Variants in CYP2U1 observed in about 807,000 individuals in gnomAD.
The protein encoded by CYP2U1 is cytochrome P450 family 2 subfamily U member 1.
A neutral mutation model predicts 42.8 loss-of-function variants in CYP2U1; 28 were observed. The ratio of observed to expected loss-of-function variants is 0.65; its 90% confidence interval spans 0.48 to 0.90. CYP2U1 has a LOEUF of 0.90. Ranked by LOEUF, CYP2U1 falls within the 40% of genes least tolerant of loss-of-function variation. The pLI is 0.00. For synonymous variants in CYP2U1, 296 were observed against 278.9 expected, an observed-to-expected ratio of 1.06 and a Z score of -0.61; for missense variants, 642 against 693.8, an observed-to-expected ratio of 0.93 and a Z score of 0.84.
chr4:107,946,004 G>A (rs952725805), intron 2 of CYP2U1, among the ~76,000 whole-genome samples: 1 of 152,154 alleles, frequency 6.6e-6, no homozygotes, highest in Non-Finnish European at 1.5e-5. Context: ...CTACCACCTA[G>A]TCCCAATAGA....
At position 107,947,658 on chromosome 4, in the gene CYP2U1, T is replaced by C. The variant is rs528851695; in HGVS notation, c.1288+121T>C. 11 of 948,614 alleles carry C rather than the reference T, an allele frequency of 1.2e-5. No homozygotes were observed. In the African/African-American group the frequency reaches 1.6e-4, roughly 14 times the overall value. The allele number at this position is 948,614 out of a possible 1,614,324, so 58.8% of individuals were successfully genotyped here. On this transcript the variant is annotated intron_variant, in intron 3 of 4. Coordinates refer to ENST00000332884, the MANE Select transcript of CYP2U1 (RefSeq NM_183075.3). Reference sequence around the variant, plus strand: ...GCTTGATCCTTCTGAAGATTTAGCATTGTGTCATATGTAATAAAATGTCTA... The same window carrying C: ...GCTTGATCCTTCTGAAGATTTAGCACTGTGTCATATGTAATAAAATGTCTA...
intron 1 of CYP2U1, among the ~76,000 whole-genome samples, chr4:107,943,499 A>G (rs951029032): frequency 6.6e-6 from 1 of 152,226 alleles, no homozygotes; most frequent in Non-Finnish European, 1.5e-5. Flanking sequence ...AAGAAATATA[A>G]TTCAGGAAAT....
At position 107,940,724 on chromosome 4, in the gene CYP2U1, C is replaced by T. The variant is rs977186545; in HGVS notation, c.491-4246C>T. 14 of 151,928 alleles carry T rather than the reference C, an allele frequency of 9.2e-5. 1 individual carries two copies. Among genetic ancestry groups the T allele is most frequent in the Non-Finnish European group, 1.9e-4 (13 of 68,030 alleles). 9.4% of individuals were successfully genotyped at this position (151,928 alleles called of 1,614,324 possible). A position where few individuals can be genotyped will look rare whatever the true frequency, so the allele number is the denominator to read the frequency against. On this transcript the variant is annotated intron_variant, in intron 1 of 4. Coordinates refer to ENST00000332884, the MANE Select transcript of CYP2U1 (RefSeq NM_183075.3). ...GTAGTTTGCCAACCACTCAACTAGA[C>T]TTTAAGTAAGCGTGTTAAAAATGTA...
At chr4:107,943,979 T>C (rs779040711) in intron 1 of CYP2U1, among the ~76,000 whole-genome samples, 8 of 152,228 alleles carry the variant, frequency 5.3e-5, no homozygotes, top group Non-Finnish European at 1.0e-4. Flanking sequence ...GATGTAGTTG[T>C]GGATGACCTT....
rs536313224 is a variant in CYP2U1, at chr4:107,944,852, T to TATATATACATATATATA, written c.491-118_491-117insATATATACATATATATA. 263 of 100,848 alleles carry TATATATACATATATATA rather than the reference T, an allele frequency of 2.6e-3. 9 individuals carry two copies. Among genetic ancestry groups the TATATATACATATATATA allele is most frequent in the African/African-American group, 3.8e-3 (60 of 15,588 alleles). 6.2% of individuals were successfully genotyped at this position (100,848 alleles called of 1,614,324 possible). A position where few individuals can be genotyped will look rare whatever the true frequency, so the allele number is the denominator to read the frequency against. On this transcript the variant is annotated intron_variant, in intron 1 of 4. Coordinates refer to ENST00000332884, the MANE Select transcript of CYP2U1 (RefSeq NM_183075.3). ...TCTTTATATATACATATATATATAT[T>TATATATACATATATATA]TATATGAGGAATTTTCCATAAGTGA...
At chr4:107,947,625 G>A (rs908944948) in intron 3 of CYP2U1, 88 bp downstream of exon 3, 13 of 1,325,456 alleles carry the variant, frequency 9.8e-6, no homozygotes, top group East Asian at 2.3e-5. Flanking sequence ...TGTGGTGACT[G>A]TTGTCTAGCT....
At chr4:107,947,747 T>C (rs1733751588) in intron 3 of CYP2U1, among the ~76,000 whole-genome samples, 1 of 152,226 alleles carries the variant, frequency 6.6e-6, no homozygotes, top group Non-Finnish European at 1.5e-5. Context: ...TGCTTAGTTT[T>C]ACTAGTAGTT....
intron 2 of CYP2U1, 135 bp downstream of exon 2, chr4:107,945,740 G>A: frequency 8.5e-7 from 1 of 1,179,768 alleles, no homozygotes; most frequent in Non-Finnish European, 1.2e-6. Context: ...CAACTCATAG[G>A]GAGTTGGTAA....
At chr4:107,942,360 A>G (rs546628205) in intron 1 of CYP2U1, among the ~76,000 whole-genome samples, 2 of 152,306 alleles carry the variant, frequency 1.3e-5, no homozygotes, top group African/African-American at 2.4e-5. Context: ...TAAAAAAAAT[A>G]AAATAAAGGA....
intron 3 of CYP2U1, among the ~76,000 whole-genome samples, chr4:107,948,607 C>T (rs1733797868): frequency 6.6e-6 from 1 of 152,026 alleles, no homozygotes; most frequent in Non-Finnish European, 1.5e-5. Context: ...TCATCATCAT[C>T]ATCATAGTTA....
chr4:107,935,160 T>C (rs1188476325), intron 1 of CYP2U1, among the ~76,000 whole-genome samples: 1 of 152,234 alleles, frequency 6.6e-6, no homozygotes, highest in Admixed American at 6.5e-5. Context: ...GTTTTCTTCT[T>C]TGAGATCTCA....
intron 3 of CYP2U1, among the ~76,000 whole-genome samples, chr4:107,948,826 GT>G (rs756200748): frequency 6.6e-6 from 1 of 151,594 alleles, no homozygotes; most frequent in African/African-American, 2.4e-5. Flanking sequence ...CACTTAACGG[GT>G]TTTTTTTGGT....
chr4:107,932,192 G>T (rs935927420), intron 1 of CYP2U1, 59 bp downstream of exon 1: 12 of 1,534,088 alleles, frequency 7.8e-6, no homozygotes, highest in South Asian at 1.3e-5. Context: ...CTCCAGGTGC[G>T]TGGGGGCTGC....
chr4:107,949,653 A>G (rs1733839139), intron 4 of CYP2U1, 136 bp downstream of exon 4: 1 of 740,332 alleles, frequency 1.4e-6, no homozygotes. Context: ...AATTTAGACA[A>G]GGCATCTCCC....
chr4:107,949,541 C>A, intron 4 of CYP2U1, 24 bp downstream of exon 4: 1 of 1,480,688 alleles, frequency 6.8e-7, no homozygotes, highest in Non-Finnish European at 9.1e-7. Context: ...TTTTAAACTG[C>A]ATAATTTTTA....
intron 2 of CYP2U1, among the ~76,000 whole-genome samples, chr4:107,946,067 T>G (rs1018800819): frequency 5.3e-5 from 8 of 152,148 alleles, no homozygotes; most frequent in African/African-American, 1.9e-4. Flanking sequence ...GGATGGTGTA[T>G]TATTAGTTTC....
intron 3 of CYP2U1, among the ~76,000 whole-genome samples, chr4:107,948,362 G>C (rs1016345594): frequency 1.3e-5 from 2 of 149,950 alleles, no homozygotes; most frequent in Non-Finnish European, 1.5e-5. Context: ...CCAGGAGTTC[G>C]AGACCAGCCT....
intron 1 of CYP2U1, among the ~76,000 whole-genome samples, chr4:107,934,400 G>A (rs1228900160): frequency 1.3e-5 from 2 of 151,964 alleles, no homozygotes; most frequent in Non-Finnish European, 2.9e-5. Context: ...CATCTCTACT[G>A]TCAGCATCCT....
At chr4:107,949,855 A>G (rs963685568) in intron 4 of CYP2U1, among the ~76,000 whole-genome samples, 1 of 152,170 alleles carries the variant, frequency 6.6e-6, no homozygotes. Context: ...AGGTTCCTAG[A>G]TTAGGAACAT....
Sources: gnomAD v4.1 joint callset for allele counts (sites outside exome capture counted in the v4.1 genomes callset) on GRCh38, gnomAD v4.1.1 for gene constraint, MANE v1.5 for transcripts, NCBI Gene and HGNC (gene_info 2026-07-23, HGNC 2026-07-21) for gene names.